The following PEX5 variants were observed in gnomAD, a reference collection of about 807,000 sequenced individuals.
PEX5 encodes PTS1 receptor.
A neutral mutation model predicts 82.9 loss-of-function variants in PEX5; 52 were observed. The ratio of observed to expected loss-of-function variants is 0.63; its 90% CI spans 0.50 to 0.79. PEX5 has a LOEUF of 0.79. PEX5 is among the 30% of genes least tolerant of loss of function. The pLI, the probability that PEX5 is intolerant of heterozygous loss-of-function variation, is 0.00. For missense variants in PEX5, 719 were observed against 815.2 expected, an observed-to-expected ratio of 0.88 and a Z score of 1.44; for synonymous variants, 300 against 318.8, an observed-to-expected ratio of 0.94 and a Z score of 0.63.
rs950881602 is a variant in PEX5, at chr12:7,190,414, G to A, written c.37G>A (p.Gly13Ser). ...MRELVEAECG[G>S]ANPLMKLAGH... is the part of the protein sequence containing the mutation. ...GGAGCTGGTGGAGGCCGAATGCGGGGGTGCCAACCCGCTCATGAAGCTCGC... is the reference window on the plus strand; with the variant it reads ...GGAGCTGGTGGAGGCCGAATGCGGGAGTGCCAACCCGCTCATGAAGCTCGC... Residue 13 changes from glycine (G) to serine (S), a missense_variant, in exon 2 of 16, where the codon GGT becomes AGT. Physicochemically the swap from Gly to Ser is moderately conservative, Grantham distance 56. Coordinates refer to ENST00000675855, the MANE Select transcript of PEX5 (RefSeq NM_001351132.2). 6.2e-6 allele frequency: 10 copies of A among 1,614,090 alleles called. No homozygotes were observed. Among genetic ancestry groups the A allele is most frequent in the African/African-American group, 2.7e-5 (2 of 74,940 alleles).
At chr12:7,214,279 T>C (rs1354499572), downstream of PEX5, among the ~76,000 whole-genome samples, 2 of 152,104 alleles carry the variant, frequency 1.3e-5, no homozygotes, top group Non-Finnish European at 2.9e-5. Context: ...CGTATGTTTA[T>C]TGCGGCACTA....
At chr12:7,216,873 A>C (rs1945794708) in intron 17 of PEX5, among the ~76,000 whole-genome samples, 2 of 152,212 alleles carry the variant, frequency 1.3e-5, no homozygotes, top group Non-Finnish European at 2.9e-5. Flanking sequence ...TCCATCCAAC[A>C]ACTTTTTAAA....
chr12:7,199,185 G>T (rs761502752), intron 6 of PEX5, 72 bp downstream of exon 6: 16 of 748,988 alleles, frequency 2.1e-5, no homozygotes, highest in Non-Finnish European at 3.5e-5. Context: ...CTCCATCCAC[G>T]TTCTCGAACC....
intron 10 of PEX5, among the ~76,000 whole-genome samples, chr12:7,206,619 T>C (rs1216337623): frequency 6.6e-6 from 1 of 152,242 alleles, no homozygotes; most frequent in Non-Finnish European, 1.5e-5. Context: ...ATTGTAATTA[T>C]TTAATTTTCA....
downstream of PEX5, among the ~76,000 whole-genome samples, chr12:7,215,173 T>C (rs1945743363): frequency 6.6e-6 from 1 of 152,166 alleles, no homozygotes; most frequent in Admixed American, 6.5e-5. Flanking sequence ...ACATTACTAA[T>C]GAAATGCAAA....
downstream of PEX5, among the ~76,000 whole-genome samples, chr12:7,214,113 A>G (rs1276008294): frequency 1.3e-5 from 2 of 152,294 alleles, no homozygotes; most frequent in East Asian, 3.9e-4. Context: ...GAACACTTTT[A>G]CACTGTTGGT....
intron 5 of PEX5, among the ~76,000 whole-genome samples, chr12:7,198,459 T>C (rs1434193852): frequency 6.6e-6 from 1 of 152,210 alleles, no homozygotes; most frequent in African/African-American, 2.4e-5. Context: ...CAAACATCCA[T>C]AGGGAAGAGC....
At chr12:7,207,953 G>A (rs1423701181) in intron 11 of PEX5, 57 bp from the exon 12 acceptor site, 2 of 1,544,962 alleles carry the variant, frequency 1.3e-6, no homozygotes, top group Admixed American at 1.7e-5. Flanking sequence ...GAAGCCAGGG[G>A]GAAGGGCGAA....
chr12:7,197,201 T>TGTCATATATA lies in PEX5; in HGVS notation c.449-1810_449-1809insGTCATATATA, dbSNP rs1942672308. ...ATATGTCATATATAATGTAATTATA[T>TGTCATATATA]ATGTCATATATAATGTAATTATATA... is the stretch of plus-strand genomic sequence containing the variant. On this transcript the variant is annotated intron_variant, in intron 5 of 15. Transcript: ENST00000675855. Among the ~76,000 whole-genome samples, 2 of 74,920 alleles carry TGTCATATATA rather than the reference T, an allele frequency of 2.7e-5. 1 individual carries two copies. Among genetic ancestry groups the TGTCATATATA allele is most frequent in the African/African-American group, 1.1e-4 (2 of 17,936 alleles). 49.2% of individuals were successfully genotyped at this position (74,920 alleles called of 152,430 possible).
In PEX5 at chr12:7,202,662, T is replaced by C; in HGVS notation, c.804T>C (p.Ser268=). The change falls in exon 9 of 16, where the codon TCT becomes TCC. Residue 268 remains serine (S), a synonymous_variant. Coordinates refer to ENST00000675855, the MANE Select transcript of PEX5 (RefSeq NM_001351132.2). ...VDQFTRPVNT[S]ALDMEFERAK... is the part of the protein sequence containing the mutation. ...AGTTCACAAGACCAGTAAACACATC[T>C]GCCCTTGATATGGAGTTTGAACGAG... The C allele has an allele frequency of 6.2e-7, 1 of 1,614,150 alleles. No homozygotes were observed. Among genetic ancestry groups the C allele is most frequent in the East Asian group, 2.2e-5 (1 of 44,878 alleles).
chr12:7,202,685 G>A lies in PEX5; in HGVS notation c.827G>A (p.Arg276Gln), dbSNP rs750449171. 8.7e-6 allele frequency: 14 copies of A among 1,613,686 alleles called. No homozygotes were observed. The highest frequency in any genetic ancestry group is 2.2e-5 in the East Asian group (1 of 44,898). Residue 276 changes from arginine (R) to glutamine (Q), a missense_variant, in exon 9 of 16, where the codon CGA (arginine) becomes CAA (glutamine). By Grantham distance (43) the Arg-to-Gln change is conservative. Coordinates refer to ENST00000675855, the MANE Select transcript of PEX5 (RefSeq NM_001351132.2). Reference sequence around the variant, plus strand: ...TCTGCCCTTGATATGGAGTTTGAACGAGCCAAGTCAGCTATAGAGGTGAGA... The same window carrying A: ...TCTGCCCTTGATATGGAGTTTGAACAAGCCAAGTCAGCTATAGAGGTGAGA... ...NTSALDMEFE[R>Q]AKSAIESDVD...
Position 7,209,061 on chromosome 12 carries a change from C to T in PEX5, c.1451C>T (p.Thr484Ile). 1 of 1,614,094 alleles carries T rather than the reference C, an allele frequency of 6.2e-7. No individual in the cohort carries two copies. Among genetic ancestry groups the T allele is most frequent in the East Asian group, 2.2e-5 (1 of 44,876 alleles). The change falls in exon 14 of 16, where the codon ACC becomes ATC. Residue 484 changes from threonine to isoleucine, a missense_variant. By Grantham distance (89) the Thr-to-Ile change is moderately conservative. Coordinates refer to ENST00000675855, the MANE Select transcript of PEX5 (RefSeq NM_001351132.2). ...LFLAAVRLDP[T>I]SIDPDVQCGL... is the part of the protein sequence containing the mutation. ...CTGGCAGCTGTGCGGCTGGACCCTA[C>T]CTCCATTGACCCTGATGTGCAGTGT...
Position 7,209,770 on chromosome 12 carries a change from G to C in PEX5, c.1648G>C (p.Glu550Gln), listed in dbSNP as rs1338150492. ...EAVAAYRRALELQPGYIRSRY... is the reference protein window; with the variant it reads ...EAVAAYRRALQLQPGYIRSRY... ...AGTAGCTGCGTACCGCCGGGCCCTC[G>C]AGCTCCAGCCTGGCTATATCCGGTC... The change falls in exon 15 of 16, where the codon GAG becomes CAG. Residue 550 changes from glutamate to glutamine, a missense_variant. Physicochemically the swap from Glu to Gln is conservative, Grantham distance 29. Coordinates refer to ENST00000675855, the MANE Select transcript of PEX5 (RefSeq NM_001351132.2). 1 of 1,614,000 alleles carries C rather than the reference G, an allele frequency of 6.2e-7. No individual in the cohort carries two copies. Among genetic ancestry groups the C allele is most frequent in the African/African-American group, 1.3e-5 (1 of 74,884 alleles).
intron 8 of PEX5, 99 bp from the exon 9 acceptor site, chr12:7,202,513 C>G: frequency 7.2e-7 from 1 of 1,386,960 alleles, no homozygotes; most frequent in Non-Finnish European, 1.0e-6. Context: ...ATGATTTTCT[C>G]AGAAGTACCC....
At position 7,189,935 on chromosome 12, in the gene PEX5, T is replaced by C. The variant is rs779168691; in HGVS notation, c.-17+185T>C. On this transcript the variant is annotated intron_variant, in intron 1 of 15. Transcript: ENST00000675855. ...GCTCCGGTGACTTAAGGGGAGGGAA[T>C]GCTCCTCTGCCGTGCTCACCGCGTG... 2.0e-4 allele frequency: 289 copies of C among 1,470,660 alleles called. No individual in the cohort carries two copies. Among genetic ancestry groups the C allele is most frequent in the Non-Finnish European group, 2.5e-4 (279 of 1,124,640 alleles). 91.1% of individuals were successfully genotyped at this position (1,470,660 alleles called of 1,614,324 possible). A position where few individuals can be genotyped will look rare whatever the true frequency, so the allele number is the denominator to read the frequency against.
At position 7,197,456 on chromosome 12, in the gene PEX5, GTAATAATTATATATGTTATATATAATA is replaced by G. The variant is rs1565689148; in HGVS notation, c.449-1528_449-1502del. Among the ~76,000 whole-genome samples, 13 of 114,734 alleles carry G rather than the reference GTAATAATTATATATGTTATATATAATA, an allele frequency of 1.1e-4. 1 individual carries two copies. The highest frequency in any genetic ancestry group is 3.2e-4 in the South Asian group (1 of 3,170). The allele number at this position is 114,734 out of a possible 152,430, so 75.3% of individuals were successfully genotyped here. On this transcript the variant is annotated intron_variant, in intron 5 of 15. Transcript: ENST00000675855. ...ACAATGTAATTATGTTATATATAAT[GTAATAATTATATATGTTATATATAATA>G]TAATAATTATATATGTTATATATAA...
intron 8 of PEX5, 36 bp from the exon 9 acceptor site, chr12:7,202,576 G>C: frequency 6.4e-7 from 1 of 1,561,428 alleles, no homozygotes. Context: ...ATAGAAAGTT[G>C]GTGGTAGTGG....
intron 7 of PEX5, 44 bp downstream of exon 7, chr12:7,201,885 T>C: frequency 7.1e-7 from 1 of 1,408,428 alleles, no homozygotes; most frequent in East Asian, 2.3e-5. Flanking sequence ...GAGCTGGTTT[T>C]GGAAGGCAAG....
At chr12:7,208,946 G>A in intron 13 of PEX5, 59 bp from the exon 14 acceptor site, 1 of 1,423,830 alleles carries the variant, frequency 7.0e-7, no homozygotes, top group Non-Finnish European at 9.9e-7. Context: ...AATTAATTTG[G>A]GGGGATGGGA....
Sources: allele counts gnomAD v4.1 joint callset (sites outside exome capture counted in the v4.1 genomes callset), GRCh38; gene constraint gnomAD v4.1.1; transcripts MANE v1.5; gene names NCBI Gene and HGNC (gene_info 2026-07-23, HGNC 2026-07-21).